The following GPR158 variants were observed in gnomAD, a reference collection of about 807,000 sequenced individuals.
GPR158 encodes the protein G protein-coupled receptor 158.
GPR158 carries 30 observed loss-of-function variants against 78.2 expected under a neutral mutation model. That is an observed-to-expected ratio of 0.38 (90% CI 0.29 to 0.52). GPR158 has a LOEUF of 0.52. Among genes scored for constraint, GPR158 ranks in the 20% least tolerant of loss-of-function variants. GPR158 has a pLI of 0.83. For synonymous variants in GPR158, 581 were observed against 591.1 expected (o/e 0.98, Z 0.25); for missense variants, 1,463 against 1,523.5 (o/e 0.96, Z 0.66).
At chr10:25,535,504 A>G (rs1476353573) in intron 5 of GPR158, among the ~76,000 whole-genome samples, 1 of 152,172 alleles carries the variant, frequency 6.6e-6, no homozygotes, top group African/African-American at 2.4e-5. Flanking sequence ...TTGGAAGTGT[A>G]TCCTTCTCCA....
chr10:25,314,918 A>G (rs1854827293), intron 2 of GPR158, among the ~76,000 whole-genome samples: 1 of 147,330 alleles, frequency 6.8e-6, no homozygotes, highest in Non-Finnish European at 1.5e-5. Context: ...ACACACACAC[A>G]CACACACACA....
At chr10:25,434,051 C>A (rs1053243001) in intron 4 of GPR158, among the ~76,000 whole-genome samples, 2 of 151,992 alleles carry the variant, frequency 1.3e-5, no homozygotes, top group Non-Finnish European at 2.9e-5. Flanking sequence ...CCCAGTTACT[C>A]AGGAGACTGA....
chr10:25,201,751 A>G (rs1431938760), intron 1 of GPR158, among the ~76,000 whole-genome samples: 1 of 151,670 alleles, frequency 6.6e-6, no homozygotes, highest in African/African-American at 2.4e-5. Context: ...TTTTTTTTTA[A>G]TTCTGTTTAT....
intron 4 of GPR158, among the ~76,000 whole-genome samples, chr10:25,441,592 C>T (rs1835068756): frequency 6.6e-6 from 1 of 152,212 alleles, no homozygotes; most frequent in South Asian, 2.1e-4. Context: ...GCTGAGCAGA[C>T]TCCTTCTCAG....
chr10:25,413,695 G>T (rs993427207), intron 4 of GPR158, among the ~76,000 whole-genome samples: 3 of 152,098 alleles, frequency 2.0e-5, no homozygotes, highest in East Asian at 3.8e-4. Flanking sequence ...AAGCCTCAAG[G>T]TAAACAGTTT....
rs201391296 is a variant in GPR158, at chr10:25,580,918, A to ATTTTTT, written c.1753+8035_1753+8036insTTTTTT. 1.8e-5 allele frequency among the ~76,000 whole-genome samples: 2 copies of ATTTTTT among 108,976 alleles called. 1 individual carries two copies. Among genetic ancestry groups the ATTTTTT allele is most frequent in the Non-Finnish European group, 4.8e-5 (2 of 41,708 alleles). The allele number at this position is 108,976 out of a possible 152,430, so 71.5% of individuals were successfully genotyped here. ...TTTTTTTATTTTTTTATTTTATTTTATTTTATTTTATTTTTTTGAGACGGA... is the reference window on the plus strand; with the variant it reads ...TTTTTTTATTTTTTTATTTTATTTTATTTTTTTTTTATTTTATTTTTTTGAGACGGA... On this transcript the variant is annotated intron_variant, in intron 7 of 10. Transcript: ENST00000376351.
At position 25,514,392 on chromosome 10, in the gene GPR158, G is replaced by T. The variant is rs187770466; in HGVS notation, c.1405-36584G>T. Reference sequence around the variant, plus strand: ...CTTGCCCTTTACCTTAAGTTTATGTGAGTCCTTATATGTTAGGTGAGTCTC... The same window carrying T: ...CTTGCCCTTTACCTTAAGTTTATGTTAGTCCTTATATGTTAGGTGAGTCTC... On this transcript the variant is annotated intron_variant, in intron 5 of 10. Coordinates refer to ENST00000376351, the MANE Select transcript of GPR158 (RefSeq NM_020752.3). Among the ~76,000 whole-genome samples the T allele has an allele frequency of 2.3e-4, 35 of 152,162 alleles. 2 individuals are homozygous for T. The East Asian group carries it at 2.9e-3, about 13-fold the overall frequency.
chr10:25,475,697 T>C (rs1588879985), intron 5 of GPR158: 1 of 152,174 alleles, frequency 6.6e-6, no homozygotes, highest in East Asian at 1.9e-4. Flanking sequence ...ATGTGACTAA[T>C]ATCTTTCTTG....
intron 8 of GPR158, among the ~76,000 whole-genome samples, chr10:25,593,417 T>C (rs983140464): frequency 2.6e-5 from 4 of 152,202 alleles, no homozygotes; most frequent in South Asian, 2.1e-4. Flanking sequence ...ACTTTGCACA[T>C]TTGATGATGT....
intron 6 of GPR158, among the ~76,000 whole-genome samples, chr10:25,560,100 C>G (rs1454147944): frequency 6.6e-6 from 1 of 152,106 alleles, no homozygotes; most frequent in Non-Finnish European, 1.5e-5. Flanking sequence ...ACTATCTAAC[C>G]AGCTATAAAT....
At position 25,551,064 on chromosome 10, in the gene GPR158, C is replaced by A; in HGVS notation, c.1493C>A (p.Thr498Asn). ...CTCGGTTTTGCTACTGTTTACGGAA[C>A]TGTCACTCTCAAACTTCACAGGTAT... The part of the protein sequence containing the change: ...RLLGFATVYG[T>N]VTLKLHRVLK... The change falls in exon 6 of 11, where the codon ACT (threonine) becomes AAT (asparagine). Residue 498 changes from threonine to asparagine, a missense_variant. Coordinates refer to ENST00000376351, the MANE Select transcript of GPR158 (RefSeq NM_020752.3). 6.3e-7 allele frequency: 1 copy of A among 1,583,246 alleles called. No individual in the cohort carries two copies. Among genetic ancestry groups the A allele is most frequent in the Non-Finnish European group, 8.7e-7 (1 of 1,151,944 alleles).
intron 2 of GPR158, among the ~76,000 whole-genome samples, chr10:25,284,722 G>A (rs1029160506): frequency 6.6e-6 from 1 of 150,842 alleles, no homozygotes; most frequent in Non-Finnish European, 1.5e-5. Context: ...TTAAAAAGTT[G>A]GGTGTTATTA....
intron 4 of GPR158, among the ~76,000 whole-genome samples, chr10:25,446,093 A>G (rs185593015): frequency 9.2e-5 from 14 of 152,298 alleles, no homozygotes; most frequent in African/African-American, 3.1e-4. Context: ...ATGTATCACC[A>G]GGGAAAATTT....
chr10:25,419,408 T>C (rs796505638), intron 4 of GPR158, among the ~76,000 whole-genome samples: 1 of 152,344 alleles, frequency 6.6e-6, no homozygotes, highest in East Asian at 1.9e-4. Context: ...TGATGGCCAT[T>C]TGAGTTGTTT....
At chr10:25,423,151 G>A (rs1429166021) in intron 4 of GPR158, among the ~76,000 whole-genome samples, 2 of 101,138 alleles carry the variant, frequency 2.0e-5, no homozygotes, top group African/African-American at 3.9e-5. Context: ...ACATATATAT[G>A]TATATGTATA....
Position 25,372,113 on chromosome 10 carries a change from A to G in GPR158, c.1009-23798A>G, listed in dbSNP as rs975951647. Reference sequence around the variant, plus strand: ...CAAAAAACACATGAAAAAAATGCTCATCATCACTGGCCATCAGAGAAATGC... The same window carrying G: ...CAAAAAACACATGAAAAAAATGCTCGTCATCACTGGCCATCAGAGAAATGC... On this transcript the variant is annotated intron_variant, in intron 2 of 10. Transcript: ENST00000376351. 1.9e-3 allele frequency among the ~76,000 whole-genome samples: 287 copies of G among 151,322 alleles called. 4 individuals carry two copies. The highest frequency in any genetic ancestry group is 0.018 in the Admixed American group (270 of 15,198).
rs558889469 is a variant in GPR158, at chr10:25,439,638, T to C, written c.1336-27013T>C. Among the ~76,000 whole-genome samples, 53 of 152,318 alleles carry C rather than the reference T, an allele frequency of 3.5e-4. 1 individual carries two copies. The South Asian group carries it at 0.011, about 32-fold the overall frequency. Reference sequence around the variant, plus strand: ...ATTTTCCTAATATTCCTATAATTTTTTGTAGCAGTGTTCCTCAAACGAGAG... The same window carrying C: ...ATTTTCCTAATATTCCTATAATTTTCTGTAGCAGTGTTCCTCAAACGAGAG... On this transcript the variant is annotated intron_variant, in intron 4 of 10. Transcript: ENST00000376351.
chr10:25,497,717 ATAAT>A (rs1835901865), intron 5 of GPR158, among the ~76,000 whole-genome samples: 1 of 152,236 alleles, frequency 6.6e-6, no homozygotes, highest in Non-Finnish European at 1.5e-5. Flanking sequence ...GAAGGGATAA[ATAAT>A]CTCTGCCTTC....
intron 5 of GPR158, among the ~76,000 whole-genome samples, chr10:25,474,574 C>T (rs144907554): frequency 1.3e-5 from 2 of 152,280 alleles, no homozygotes; most frequent in East Asian, 1.9e-4. Flanking sequence ...TTCTTGACAA[C>T]ACTTGTTTCA....
Sources: gnomAD v4.1 joint callset for allele counts (sites outside exome capture counted in the v4.1 genomes callset) on GRCh38, gnomAD v4.1.1 for gene constraint, MANE v1.5 for transcripts, NCBI Gene and HGNC (gene_info 2026-07-23, HGNC 2026-07-21) for gene names.